SLC49A4: variants seen among roughly 807,000 people sequenced by gnomAD.
SLC49A4 encodes solute carrier family 49 member 4, also known as disrupted in renal cancer protein 2.
Under a neutral mutation model 50.6 loss-of-function variants are expected in SLC49A4, and 36 were observed. The ratio of observed to expected loss-of-function variants is 0.71; its 90% CI spans 0.55 to 0.94. The LOEUF (loss-of-function observed/expected upper bound fraction) is 0.94. Ranked by LOEUF, SLC49A4 falls within the 40% of genes least tolerant of loss-of-function variation. The pLI, the probability that SLC49A4 is intolerant of heterozygous loss-of-function variation, is 0.00. For missense variants in SLC49A4, 503 were observed against 605.7 expected, an observed-to-expected ratio of 0.83 and a Z score of 1.78; for synonymous variants, 248 against 241.2, an observed-to-expected ratio of 1.03 and a Z score of -0.26.
At chr3:122,797,811 A>C (rs187030797) in intron 1 of SLC49A4, among the ~76,000 whole-genome samples, 3 of 152,186 alleles carry the variant, frequency 2.0e-5, no homozygotes, top group Admixed American at 2.0e-4. Context: ...TGAAACTCCA[A>C]ATCTACAAAA....
intron 5 of SLC49A4, among the ~76,000 whole-genome samples, chr3:122,847,265 C>G (rs1368833841): frequency 6.6e-6 from 1 of 151,972 alleles, no homozygotes; most frequent in African/African-American, 2.4e-5. Flanking sequence ...ATTGAACTGC[C>G]TACTAGAACA....
chr3:122,802,213 G>T (rs533856004), intron 1 of SLC49A4, among the ~76,000 whole-genome samples: 5 of 151,994 alleles, frequency 3.3e-5, no homozygotes, highest in African/African-American at 4.8e-5. Context: ...TCAAACATTG[G>T]GCGACAGGCA....
intron 4 of SLC49A4, among the ~76,000 whole-genome samples, chr3:122,837,531 C>T (rs2107570126): frequency 6.6e-6 from 1 of 152,104 alleles, no homozygotes; most frequent in East Asian, 1.9e-4. Context: ...AAACTGGATC[C>T]CTTCCTTACA....
chr3:122,800,819 T>A (rs1450362740), intron 1 of SLC49A4, among the ~76,000 whole-genome samples: 1 of 152,144 alleles, frequency 6.6e-6, no homozygotes. Context: ...AACAAAATGA[T>A]CCCCTGATGA....
chr3:122,867,376 T>G (rs1937133133), intron 7 of SLC49A4, among the ~76,000 whole-genome samples: 1 of 152,216 alleles, frequency 6.6e-6, no homozygotes, highest in Non-Finnish European at 1.5e-5. Context: ...TCTGTAAGCC[T>G]TAATCATATT....
At chr3:122,823,170 T>C (rs1406650677) in intron 2 of SLC49A4, among the ~76,000 whole-genome samples, 7 of 152,250 alleles carry the variant, frequency 4.6e-5, no homozygotes, top group Non-Finnish European at 7.4e-5. Context: ...ACCCCAGAAA[T>C]AGGCCTTACA....
At chr3:122,871,699 A>G (rs1937198900) in intron 7 of SLC49A4, among the ~76,000 whole-genome samples, 1 of 152,158 alleles carries the variant, frequency 6.6e-6, no homozygotes. Flanking sequence ...AGACAGTAGT[A>G]GCAATGATTA....
intron 8 of SLC49A4, among the ~76,000 whole-genome samples, chr3:122,875,339 T>C (rs1355552639): frequency 6.6e-6 from 1 of 152,158 alleles, no homozygotes; most frequent in African/African-American, 2.4e-5. Flanking sequence ...AGTTATGTGA[T>C]TAGAAGGCCT....
intron 1 of SLC49A4, among the ~76,000 whole-genome samples, chr3:122,799,242 AAAAT>A (rs745448169): frequency 5.3e-5 from 8 of 152,298 alleles, no homozygotes; most frequent in African/African-American, 1.9e-4. Flanking sequence ...GCTTTGGAGA[AAAAT>A]AAAGCAGGGT....
At chr3:122,804,101 GA>G (rs1326504171) in intron 1 of SLC49A4, among the ~76,000 whole-genome samples, 1 of 152,216 alleles carries the variant, frequency 6.6e-6, no homozygotes, top group African/African-American at 2.4e-5. Context: ...GGTTTTACAG[GA>G]AACATGGTGC....
At chr3:122,812,600 T>C (rs937594898) in intron 2 of SLC49A4, among the ~76,000 whole-genome samples, 8 of 152,206 alleles carry the variant, frequency 5.3e-5, no homozygotes, top group African/African-American at 1.9e-4. Context: ...TTTTAGTTAG[T>C]CTTACACTCA....
chr3:122,859,453 CA>C (rs1191535130), intron 6 of SLC49A4, among the ~76,000 whole-genome samples: 3 of 152,142 alleles, frequency 2.0e-5, no homozygotes, highest in Non-Finnish European at 4.4e-5. Context: ...AAGTTCATGT[CA>C]ACAAGTTAGC....
intron 2 of SLC49A4, among the ~76,000 whole-genome samples, chr3:122,807,929 A>G (rs1419681968): frequency 6.6e-6 from 1 of 152,176 alleles, no homozygotes; most frequent in Admixed American, 6.5e-5. Flanking sequence ...GACCTATGTT[A>G]TATTCACTAT....
intron 4 of SLC49A4, among the ~76,000 whole-genome samples, chr3:122,841,168 C>T (rs1936764599): frequency 1.3e-5 from 2 of 152,266 alleles, no homozygotes; most frequent in South Asian, 4.1e-4. Context: ...TGAAAAGAAA[C>T]GTCTATAAAA....
chr3:122,855,109 A>C (rs972426648), intron 5 of SLC49A4, among the ~76,000 whole-genome samples: 1 of 151,936 alleles, frequency 6.6e-6, no homozygotes, highest in Non-Finnish European at 1.5e-5. Flanking sequence ...AAAAAAAAAA[A>C]GAAAGAAAAA....
intron 7 of SLC49A4, among the ~76,000 whole-genome samples, chr3:122,864,916 G>C (rs1030417100): frequency 1.3e-5 from 2 of 152,200 alleles, no homozygotes; most frequent in Non-Finnish European, 2.9e-5. Context: ...AGGGGGCTGA[G>C]GTGGGAGGAT....
chr3:122,874,771 C>T (rs2107585174), intron 8 of SLC49A4, among the ~76,000 whole-genome samples: 1 of 152,102 alleles, frequency 6.6e-6, no homozygotes, highest in South Asian at 2.1e-4. Context: ...AGGTGGTTTC[C>T]AGGAAAAAGG....
At position 122,879,600 on chromosome 3, in the gene SLC49A4, T is replaced by C. The variant is rs916461877; in HGVS notation, c.*222T>C. 5.1e-6 allele frequency: 2 copies of C among 388,610 alleles called. No individual in the cohort carries two copies. The highest frequency in any genetic ancestry group is 4.2e-5 in the African/African-American group (2 of 47,830). The allele number at this position is 388,610 out of a possible 1,614,324, so 24.1% of individuals were successfully genotyped here. On this transcript the variant is annotated 3_prime_UTR_variant, in exon 9 of 9. Transcript: ENST00000261038. ...GGATTTTAAAACTCTACAGATGGCA[T>C]ACCTGTGCCTGCTTCTGGGGTTGGA...
intron 2 of SLC49A4, among the ~76,000 whole-genome samples, chr3:122,810,844 G>C (rs1936288462): frequency 6.6e-6 from 1 of 152,208 alleles, no homozygotes; most frequent in African/African-American, 2.4e-5. Flanking sequence ...AAGGTGAATT[G>C]TTTAGTGACT....
Sources: gnomAD v4.1 joint callset for allele counts (sites outside exome capture counted in the v4.1 genomes callset) on GRCh38, gnomAD v4.1.1 for gene constraint, MANE v1.5 for transcripts, NCBI Gene and HGNC (gene_info 2026-07-23, HGNC 2026-07-21) for gene names.